CCDC34: variants seen among roughly 807,000 people sequenced by gnomAD.
The protein encoded by CCDC34 is coiled-coil domain-containing protein 34.
CCDC34 carries 40 observed loss-of-function variants against 44.1 expected under a neutral mutation model. The ratio of observed to expected loss-of-function variants is 0.91; its 90% CI spans 0.70 to 1.18. The LOEUF (loss-of-function observed/expected upper bound fraction) is 1.18. CCDC34 is among the 50% of genes most tolerant of loss of function. CCDC34 has a pLI of 0.00. For synonymous variants in CCDC34, 159 were observed against 158.2 expected, an observed-to-expected ratio of 1.01 and a Z score of -0.04; for missense variants, 466 against 452.3, an observed-to-expected ratio of 1.03 and a Z score of -0.28.
chr11:27,359,724 T>A (rs990343309), intron 1 of CCDC34, among the ~76,000 whole-genome samples: 3 of 152,218 alleles, frequency 2.0e-5, no homozygotes, highest in Non-Finnish European at 2.9e-5. Flanking sequence ...AGATGACAGT[T>A]GTGGCTGGCT....
intron 1 of CCDC34, among the ~76,000 whole-genome samples, chr11:27,360,265 T>C (rs908284420): frequency 6.6e-6 from 1 of 152,180 alleles, no homozygotes; most frequent in Admixed American, 6.5e-5. Context: ...CAGAGCACAT[T>C]GTAAAATATT....
At chr11:27,341,144 A>G (rs1862352143) in intron 4 of CCDC34, among the ~76,000 whole-genome samples, 1 of 152,232 alleles carries the variant, frequency 6.6e-6, no homozygotes, top group Non-Finnish European at 1.5e-5. Context: ...AAATATTTAA[A>G]AGGAGTAACA....
At chr11:27,342,775 T>C (rs547139072) in intron 3 of CCDC34, among the ~76,000 whole-genome samples, 1 of 152,082 alleles carries the variant, frequency 6.6e-6, no homozygotes, top group African/African-American at 2.4e-5. Context: ...GAAAAAAAAA[T>C]ATTGATCCTT....
intron 2 of CCDC34, among the ~76,000 whole-genome samples, chr11:27,352,249 G>A (rs940366651): frequency 2.0e-5 from 3 of 152,060 alleles, no homozygotes; most frequent in Admixed American, 6.5e-5. Flanking sequence ...CAGGTGTGGT[G>A]GCAGGCGCCT....
At chr11:27,356,725 T>C (rs1432487395) in intron 2 of CCDC34, among the ~76,000 whole-genome samples, 1 of 151,626 alleles carries the variant, frequency 6.6e-6, no homozygotes. Context: ...TGAGTTCATA[T>C]AGTAAAAGTT....
rs1259109542 is a variant in CCDC34, at chr11:27,362,254, C to A, written c.359+582G>T. ...AACAAATTAAGACAGTTTTAATAAC[C>A]CCATTGGTCCTAACATTGATACAAT... On this transcript the variant is annotated intron_variant, in intron 1 of 5. Coordinates refer to ENST00000328697, the MANE Select transcript of CCDC34 (RefSeq NM_030771.2). Among the ~76,000 whole-genome samples the A allele has an allele frequency of 3.3e-5, 5 of 151,986 alleles. No individual in the cohort carries two copies. The South Asian group carries it at 1.0e-3, about 32-fold the overall frequency.
intron 2 of CCDC34, among the ~76,000 whole-genome samples, chr11:27,351,788 G>C (rs1862505883): frequency 1.3e-5 from 2 of 152,154 alleles, no homozygotes; most frequent in African/African-American, 4.8e-5. Context: ...CCCTAGCCTA[G>C]TCTACCAGGC....
chr11:27,343,257 T>C (rs2133339556), intron 3 of CCDC34, among the ~76,000 whole-genome samples: 1 of 152,006 alleles, frequency 6.6e-6, no homozygotes, highest in East Asian at 1.9e-4. Context: ...AAAAAATTAG[T>C]TGGGCGTGGT....
rs555121025 is a variant in CCDC34 at position 27,352,993 on chromosome 11, A to T, written c.499-2554T>A. ...CAAAGGCCAGTCTCCTTCAGGACACAGCTGGAGTCTTCCTTCGAAAGGCCC... is the reference window on the plus strand; with the variant it reads ...CAAAGGCCAGTCTCCTTCAGGACACTGCTGGAGTCTTCCTTCGAAAGGCCC... On this transcript the variant is annotated intron_variant, in intron 2 of 5. Coordinates refer to ENST00000328697, the MANE Select transcript of CCDC34 (RefSeq NM_030771.2). 6.6e-5 allele frequency among the ~76,000 whole-genome samples: 10 copies of T among 152,332 alleles called. 1 individual carries two copies. Among genetic ancestry groups the T allele is most frequent in the Middle Eastern group, 3.4e-3 (1 of 294 alleles).
chr11:27,345,855 T>C (rs976140266), intron 3 of CCDC34, among the ~76,000 whole-genome samples: 18 of 152,236 alleles, frequency 1.2e-4, no homozygotes, highest in Admixed American at 2.0e-4. Context: ...CCTGAGGAAT[T>C]GCCACACTGA....
intron 1 of CCDC34, 101 bp downstream of exon 1, chr11:27,362,735 T>C (rs1862684360): frequency 7.2e-7 from 1 of 1,388,922 alleles, no homozygotes; most frequent in South Asian, 1.4e-5. Flanking sequence ...GTGCCTGCTC[T>C]GCCTTTGGGG....
At position 27,341,537 on chromosome 11, in the gene CCDC34, C is replaced by CTTTTT. The variant is rs1862359235; in HGVS notation, c.619_620insAAAAA (p.Arg207LysfsTer36). ...CATTTCTTTATTAATTTTTTGTTCT[C>CTTTTT]TTTCTTTTCTTTTCTTAAATAAAAA... is the stretch of plus-strand genomic sequence containing the variant. On this transcript the variant is annotated frameshift_variant, in exon 4 of 6. Coordinates refer to ENST00000328697, the MANE Select transcript of CCDC34 (RefSeq NM_030771.2). LOFTEE classifies it high-confidence loss of function. The CTTTTT allele has an allele frequency of 7.9e-7, 1 of 1,266,134 alleles. No individual in the cohort carries two copies. The highest frequency in any genetic ancestry group is 1.5e-5 in the African/African-American group (1 of 64,878). The allele number at this position is 1,266,134 out of a possible 1,614,324, so 78.4% of individuals were successfully genotyped here.
intron 1 of CCDC34, among the ~76,000 whole-genome samples, chr11:27,362,109 T>C (rs73446008): frequency 0.027 from 4,130 of 152,280 alleles, 176 homozygotes; most frequent in African/African-American, 0.093. Context: ...ATCTGTAAAA[T>C]AAGTGGATTG....
chr11:27,361,267 C>T (rs1253232813), intron 1 of CCDC34, among the ~76,000 whole-genome samples: 1 of 152,190 alleles, frequency 6.6e-6, no homozygotes, highest in Admixed American at 6.5e-5. Flanking sequence ...ATACGTTCAC[C>T]TCCTCCCCTG....
At chr11:27,348,376 T>A (rs933930058) in intron 3 of CCDC34, among the ~76,000 whole-genome samples, 1 of 152,184 alleles carries the variant, frequency 6.6e-6, no homozygotes, top group Non-Finnish European at 1.5e-5. Context: ...AAATAATTTT[T>A]AAAAACATTA....
intron 5 of CCDC34, 46 bp from the exon 6 acceptor site, chr11:27,339,081 G>A: frequency 7.1e-7 from 1 of 1,406,488 alleles, no homozygotes; most frequent in African/African-American, 1.4e-5. Context: ...AAACTTTCTT[G>A]ACATCAAAGA....
intron 5 of CCDC34, among the ~76,000 whole-genome samples, chr11:27,340,224 C>A (rs1428925774): frequency 6.6e-6 from 1 of 152,174 alleles, no homozygotes; most frequent in African/African-American, 2.4e-5. Context: ...GAAAAACATG[C>A]ACTACCCTTT....
intron 3 of CCDC34, among the ~76,000 whole-genome samples, chr11:27,347,121 T>A (rs1300170955): frequency 6.6e-6 from 1 of 152,142 alleles, no homozygotes; most frequent in Non-Finnish European, 1.5e-5. Flanking sequence ...ACGCTAAACA[T>A]CATCAGATCT....
At chr11:27,354,272 C>T (rs1026362861) in intron 2 of CCDC34, among the ~76,000 whole-genome samples, 1 of 152,100 alleles carries the variant, frequency 6.6e-6, no homozygotes, top group African/African-American at 2.4e-5. Flanking sequence ...AATCTTTGAA[C>T]CAAATTACAA....
Sources: gnomAD v4.1 joint callset for allele counts (sites outside exome capture counted in the v4.1 genomes callset) on GRCh38, gnomAD v4.1.1 for gene constraint, MANE v1.5 for transcripts, NCBI Gene and HGNC (gene_info 2026-07-23, HGNC 2026-07-21) for gene names.